DPP6: variants seen among roughly 807,000 people sequenced by gnomAD.
DPP6 encodes dipeptidyl peptidase like 6.
Under a neutral mutation model 122.6 loss-of-function variants are expected in DPP6, and 69 were observed. The observed-to-expected ratio is 0.56, with a 90% CI of 0.46 to 0.69. The LOEUF is 0.69. Ranked by LOEUF, DPP6 falls within the 30% of genes least tolerant of loss-of-function variation. The pLI is 0.00. For synonymous variants in DPP6, 418 were observed against 433.1 expected, an observed-to-expected ratio of 0.97 and a Z score of 0.43; for missense variants, 928 against 1,116.9, an observed-to-expected ratio of 0.83 and a Z score of 2.41.
Position 154,807,019 on chromosome 7 carries a change from A to C in DPP6, c.1573A>C (p.Arg525=). 6.2e-7 allele frequency: 1 copy of C among 1,613,894 alleles called. No homozygotes were observed. Among genetic ancestry groups the C allele is most frequent in the Non-Finnish European group, 8.5e-7 (1 of 1,179,832 alleles). ...TGCCAACACGGTGGGCAACTTCAACAGGCAGTGCCTCTCCTGTGACCTGGT... is the reference window on the plus strand; with the variant it reads ...TGCCAACACGGTGGGCAACTTCAACCGGCAGTGCCTCTCCTGTGACCTGGT... The part of the protein sequence containing the change: ...YSANTVGNFN[R]QCLSCDLVEN... The change falls in exon 16 of 26, where the codon AGG becomes CGG. Residue 525 remains arginine (R), a synonymous_variant. Transcript: ENST00000377770.
intron 1 of DPP6, among the ~76,000 whole-genome samples, chr7:154,265,618 A>G (rs1306507021): frequency 6.6e-6 from 1 of 152,242 alleles, no homozygotes; most frequent in Non-Finnish European, 1.5e-5. Context: ...GCAAGCATCA[A>G]AAAAATCCTT....
intron 7 of DPP6, among the ~76,000 whole-genome samples, chr7:154,720,669 C>A (rs1349687192): frequency 6.6e-6 from 1 of 152,224 alleles, no homozygotes. Context: ...CACTGCAGGG[C>A]CCCAGTGCCA....
At chr7:154,341,920 A>G (rs1338718498) in intron 1 of DPP6, among the ~76,000 whole-genome samples, 1 of 152,166 alleles carries the variant, frequency 6.6e-6, no homozygotes, top group South Asian at 2.1e-4. Flanking sequence ...ACAAGAGTTC[A>G]TAAAAACCGA....
chr7:154,407,552 A>C lies in DPP6; in HGVS notation c.244-38662A>C, dbSNP rs369452437. ...TATTCACCCTTGGTCCCCTTTCTGC[A>C]GTTCCTTGGATCATGAAAGATGTGT... On this transcript the variant is annotated intron_variant, in intron 1 of 25. Coordinates refer to ENST00000377770, the MANE Select transcript of DPP6 (RefSeq NM_130797.4). 8.5e-5 allele frequency among the ~76,000 whole-genome samples: 13 copies of C among 152,306 alleles called. 1 individual carries two copies. In the East Asian group the frequency reaches 1.5e-3, roughly 18 times the overall value.
rs760498159 is a variant in DPP6 at position 154,894,012 on chromosome 7, C to T, written c.*1532C>T. 2 of 152,144 alleles carry T rather than the reference C, an allele frequency of 1.3e-5. No individual in the cohort carries two copies. The highest frequency in any genetic ancestry group is 2.9e-5 in the Non-Finnish European group (2 of 68,034). The allele number at this position is 152,144 out of a possible 1,614,324, so 9.4% of individuals were successfully genotyped here. ...TGGGTTTATCCACATGAGCTCTGAACGTCCGTTATAGTTAGGGTGATTGGA... is the reference window on the plus strand; with the variant it reads ...TGGGTTTATCCACATGAGCTCTGAATGTCCGTTATAGTTAGGGTGATTGGA... On this transcript the variant is annotated 3_prime_UTR_variant, in exon 26 of 26. Coordinates refer to ENST00000377770, the MANE Select transcript of DPP6 (RefSeq NM_130797.4).
In DPP6 at chr7:154,833,639, G is replaced by A. The variant is rs1293769079; in HGVS notation, c.1667-20141G>A. On this transcript the variant is annotated intron_variant, in intron 16 of 25. Transcript: ENST00000377770. This position sits in a 1 kb window ranked among gnomAD's most constrained non-coding sequence, Gnocchi z 4.3. ...CTGACTCCGTATCTCAGAGGTGGGG[G>A]GCTCTGGTCATTTGCACCAATTTCC... Among the ~76,000 whole-genome samples the A allele has an allele frequency of 1.3e-5, 2 of 152,078 alleles. No individual in the cohort carries two copies. The highest frequency in any genetic ancestry group is 2.9e-5 in the Non-Finnish European group (2 of 68,018).
intron 1 of DPP6, among the ~76,000 whole-genome samples, chr7:154,090,860 C>T (rs1055944622): frequency 1.3e-5 from 2 of 149,774 alleles, no homozygotes; most frequent in East Asian, 1.9e-4. Flanking sequence ...GTGGCTCATG[C>T]CTGTAATCCC....
chr7:154,716,070 T>A (rs1841465659), intron 7 of DPP6, among the ~76,000 whole-genome samples: 1 of 152,228 alleles, frequency 6.6e-6, no homozygotes, highest in Non-Finnish European at 1.5e-5. Flanking sequence ...AAATCCATCT[T>A]CTTTTAGATC....
At chr7:154,698,952 C>T (rs6597411) in intron 7 of DPP6, among the ~76,000 whole-genome samples, 15,604 of 152,258 alleles carry the variant, frequency 0.1, 939 homozygotes, top group African/African-American at 0.16. Context: ...CCTGGAAGAT[C>T]TGAGTAACCT....
At chr7:154,587,481 C>T (rs1586688952) in intron 5 of DPP6, 1 of 724,364 alleles carries the variant, frequency 1.4e-6, no homozygotes, top group East Asian at 2.7e-5. Context: ...CTGAGCAAGA[C>T]ACAGCTTCAT....
At chr7:154,310,659 G>A (rs1398047396) in intron 1 of DPP6, among the ~76,000 whole-genome samples, 6 of 152,148 alleles carry the variant, frequency 3.9e-5, no homozygotes, top group Non-Finnish European at 8.8e-5. Context: ...ACCTTCAAAT[G>A]CTCCATGGAG....
intron 16 of DPP6, among the ~76,000 whole-genome samples, chr7:154,849,038 G>A (rs929291653): frequency 6.7e-6 from 1 of 148,150 alleles, no homozygotes; most frequent in Non-Finnish European, 1.5e-5. Flanking sequence ...TTTTATGTTA[G>A]TACTATGCTG....
chr7:153,891,829 G>T (rs1051467828), intron 1 of DPP6, among the ~76,000 whole-genome samples: 1 of 152,200 alleles, frequency 6.6e-6, no homozygotes, highest in African/African-American at 2.4e-5. Context: ...TATGTGGTGG[G>T]TAAGTGAGGG....
chr7:153,790,523 G>A, the DPP6 span, among the ~76,000 whole-genome samples: 1 of 152,144 alleles, frequency 6.6e-6, no homozygotes, highest in East Asian at 1.9e-4. Context: ...TCTCCTAAGA[G>A]AAGACTTCAT....
chr7:154,756,074 A>T (rs975471314), intron 8 of DPP6, among the ~76,000 whole-genome samples: 1 of 152,232 alleles, frequency 6.6e-6, no homozygotes, highest in Non-Finnish European at 1.5e-5. Context: ...GACAGCGGTC[A>T]TCTGCTCCAA....
intron 10 of DPP6, among the ~76,000 whole-genome samples, chr7:154,786,572 G>A (rs1276035717): frequency 6.6e-6 from 1 of 152,104 alleles, no homozygotes; most frequent in African/African-American, 2.4e-5. Context: ...TATGAAGAAG[G>A]ATGGGTTTGC....
At chr7:154,638,434 G>T (rs59215058) in intron 6 of DPP6, among the ~76,000 whole-genome samples, 1 of 152,090 alleles carries the variant, frequency 6.6e-6, no homozygotes, top group South Asian at 2.1e-4. Flanking sequence ...TTTCAGCGGC[G>T]TGTTGTTCTT....
intron 5 of DPP6, among the ~76,000 whole-genome samples, chr7:154,570,424 T>G (rs1011252406): frequency 6.6e-6 from 1 of 151,992 alleles, no homozygotes; most frequent in Non-Finnish European, 1.5e-5. Flanking sequence ...GGTCTTTTTA[T>G]CTCCTATCTG....
At chr7:154,091,235 A>G (rs1277850770) in intron 1 of DPP6, among the ~76,000 whole-genome samples, 1 of 152,180 alleles carries the variant, frequency 6.6e-6, no homozygotes, top group East Asian at 1.9e-4. Flanking sequence ...AGAGCCTGTG[A>G]TCAGTGGGCA....
Sources: allele counts gnomAD v4.1 joint callset (sites outside exome capture counted in the v4.1 genomes callset), GRCh38; gene constraint gnomAD v4.1.1; non-coding constraint Gnocchi (gnomAD v3.1); transcripts MANE v1.5; gene names NCBI Gene and HGNC (gene_info 2026-07-23, HGNC 2026-07-21).